ABHD2: variants seen among roughly 807,000 people sequenced by gnomAD.
ABHD2 encodes abhydrolase domain containing 2, acylglycerol lipase.
In ABHD2, 20 loss-of-function variants were observed where a neutral mutation model predicts 48.1. The ratio of observed to expected loss-of-function variants is 0.42; its 90% CI spans 0.29 to 0.60. The LOEUF (loss-of-function observed/expected upper bound fraction) is 0.60, where lower values mean the gene tolerates loss of function less well. Ranked by LOEUF, ABHD2 falls within the 20% of genes least tolerant of loss-of-function variation. The probability of loss-of-function intolerance (pLI) is 0.24; values close to 1 mark genes in which losing one functional copy is unlikely to be tolerated. For missense variants in ABHD2, 405 were observed against 550.9 expected (o/e 0.74, Z 2.65); for synonymous variants, 209 against 214.2 (o/e 0.98, Z 0.21).
intron 3 of ABHD2, among the ~76,000 whole-genome samples, chr15:89,118,968 C>T (rs2050005453): frequency 6.6e-6 from 1 of 152,152 alleles, no homozygotes; most frequent in Non-Finnish European, 1.5e-5. Context: ...ATCCCCAGCC[C>T]CATCTCCTTG....
At chr15:89,066,485 T>C in the ABHD2 span, among the ~76,000 whole-genome samples, 6 of 152,194 alleles carry the variant, frequency 3.9e-5, no homozygotes, top group Non-Finnish European at 2.9e-5. Flanking sequence ...CTTGATTACA[T>C]CTGCAAAAGA....
the ABHD2 span, among the ~76,000 whole-genome samples, chr15:89,071,149 GTGGC>G: frequency 2.3e-3 from 352 of 152,278 alleles, 2 homozygotes; most frequent in East Asian, 0.02. Context: ...GCCGGGCACG[GTGGC>G]TCACACCTGT....
intron 10 of ABHD2, among the ~76,000 whole-genome samples, chr15:89,194,737 TAAATC>T (rs2051367261): frequency 6.6e-6 from 1 of 152,210 alleles, no homozygotes; most frequent in African/African-American, 2.4e-5. Context: ...TCAGGCTTAT[TAAATC>T]AAAATCCGCA....
At chr15:89,060,736 A>G in the ABHD2 span, among the ~76,000 whole-genome samples, 4 of 151,910 alleles carry the variant, frequency 2.6e-5, 1 homozygote, top group Non-Finnish European at 5.9e-5. Flanking sequence ...CTTGAAACGT[A>G]TAAGAATAAA....
intron 1 of ABHD2, among the ~76,000 whole-genome samples, chr15:89,098,748 C>G (rs1470840811): frequency 6.6e-6 from 1 of 152,194 alleles, no homozygotes; most frequent in East Asian, 1.9e-4. Flanking sequence ...TAGTTCCTTT[C>G]CCTCCATCTA....
chr15:89,069,674 CTTTT>C, the ABHD2 span, among the ~76,000 whole-genome samples: 547 of 52,878 alleles, frequency 0.01, 3 homozygotes, highest in Middle Eastern at 0.024. Context: ...TTCATTTACT[CTTTT>C]TTTTTTTTTT....
In ABHD2 at chr15:89,151,990, C is replaced by A. The variant is rs957230514; in HGVS notation, c.370+138C>A. 8.8e-7 allele frequency: 1 copy of A among 1,135,316 alleles called. No homozygotes were observed. Among genetic ancestry groups the A allele is most frequent in the Non-Finnish European group, 1.2e-6 (1 of 810,762 alleles). 70.3% of individuals were successfully genotyped at this position (1,135,316 alleles called of 1,614,324 possible). On this transcript the variant is annotated intron_variant, in intron 4 of 10. Transcript: ENST00000352732. This position sits in a 1 kb window ranked among gnomAD's most constrained non-coding sequence, Gnocchi z 4.7. ...GGCTGTTGGGAAGCCTGCTGGGATT[C>A]GTCACTTAGGAGCAGCCTGCAAAGG...
chr15:89,176,276 T>G lies in ABHD2; in HGVS notation c.722+281T>G, dbSNP rs1376063381. On this transcript the variant is annotated intron_variant, in intron 6 of 10. Transcript: ENST00000352732. The surrounding 1 kb of genome is among the most constrained non-coding windows in gnomAD (Gnocchi z 4.5). ...GTTGCTGTCTCCTAGGGAATCTCTG[T>G]CAGGTGACTTAATTTGTTCAGGCTT... Among the ~76,000 whole-genome samples, 1 of 152,118 alleles carries G rather than the reference T, an allele frequency of 6.6e-6. No homozygotes were observed. The highest frequency in any genetic ancestry group is 1.5e-5 in the Non-Finnish European group (1 of 68,020).
chr15:89,111,335 T>G (rs934429148), intron 1 of ABHD2, among the ~76,000 whole-genome samples: 6 of 152,246 alleles, frequency 3.9e-5, no homozygotes, highest in Non-Finnish European at 8.8e-5. Flanking sequence ...TATATAATTT[T>G]CCTTCTATAT....
intron 3 of ABHD2, among the ~76,000 whole-genome samples, chr15:89,138,730 C>A (rs1222042712): frequency 1.3e-5 from 2 of 152,062 alleles, no homozygotes; most frequent in African/African-American, 4.8e-5. Context: ...GACAGTTGAT[C>A]AGACAGGAGA....
chr15:89,120,264 T>A lies in ABHD2; in HGVS notation c.194+3743T>A, dbSNP rs2050027677. Among the ~76,000 whole-genome samples, 1 of 152,196 alleles carries A rather than the reference T, an allele frequency of 6.6e-6. No individual in the cohort carries two copies. The highest frequency in any genetic ancestry group is 1.5e-5 in the Non-Finnish European group (1 of 68,032). Reference sequence around the variant, plus strand: ...TTCAGTGGGATGTTATGTCTCCTGTTCTCTTAGAAACAGATCAATATTTAC... The same window carrying A: ...TTCAGTGGGATGTTATGTCTCCTGTACTCTTAGAAACAGATCAATATTTAC... On this transcript the variant is annotated intron_variant, in intron 3 of 10. Coordinates refer to ENST00000352732, the MANE Select transcript of ABHD2 (RefSeq NM_152924.5). This position sits in a 1 kb window ranked among gnomAD's most constrained non-coding sequence, Gnocchi z 4.2.
chr15:89,105,981 T>C (rs2150794637), intron 1 of ABHD2, among the ~76,000 whole-genome samples: 2 of 152,196 alleles, frequency 1.3e-5, no homozygotes, highest in Middle Eastern at 6.8e-3. Context: ...GGATTATAGA[T>C]GTAAGCCACT....
the ABHD2 span, among the ~76,000 whole-genome samples, chr15:89,062,985 T>C: frequency 3.9e-3 from 590 of 150,760 alleles, 6 homozygotes; most frequent in African/African-American, 0.014. Context: ...TTTTTTTTTT[T>C]CAGACAGAGT....
At chr15:89,055,586 C>T in the ABHD2 span, among the ~76,000 whole-genome samples, 3 of 152,086 alleles carry the variant, frequency 2.0e-5, no homozygotes, top group Non-Finnish European at 4.4e-5. Flanking sequence ...CCGCTGGCCT[C>T]GGCCTCCCAA....
chr15:89,054,468 G>C, the ABHD2 span, among the ~76,000 whole-genome samples: 1 of 151,924 alleles, frequency 6.6e-6, no homozygotes, highest in Non-Finnish European at 1.5e-5. Flanking sequence ...ATCACTTGAG[G>C]TCAGGAGTTT....
intron 3 of ABHD2, among the ~76,000 whole-genome samples, chr15:89,118,016 A>T (rs546047699): frequency 1.3e-4 from 20 of 152,254 alleles, no homozygotes; most frequent in East Asian, 7.7e-4. Flanking sequence ...GCCCCTGCTG[A>T]GGGGACTTTT....
At chr15:89,083,805 G>A (rs1010152123), upstream of ABHD2, among the ~76,000 whole-genome samples, 1 of 152,138 alleles carries the variant, frequency 6.6e-6, no homozygotes, top group African/African-American at 2.4e-5. The surrounding 1 kb of genome is among the most constrained non-coding windows in gnomAD (Gnocchi z 5.1). Flanking sequence ...CCACATTTTT[G>A]AATTTCATCA....
Position 89,195,133 on chromosome 15 carries a change from G to A in ABHD2, c.1082-94G>A. 6.9e-7 allele frequency: 1 copy of A among 1,446,912 alleles called. No individual in the cohort carries two copies. Among genetic ancestry groups the A allele is most frequent in the Non-Finnish European group, 9.3e-7 (1 of 1,069,924 alleles). The allele number at this position is 1,446,912 out of a possible 1,614,324, so 89.6% of individuals were successfully genotyped here. On this transcript the variant is annotated intron_variant, in intron 10 of 10. Coordinates refer to ENST00000352732, the MANE Select transcript of ABHD2 (RefSeq NM_152924.5). This position sits in a 1 kb window ranked among gnomAD's most constrained non-coding sequence, Gnocchi z 5.1. ...ATGCCCACTTAGGTGACCCTGCGGG[G>A]ACAGCCAGGCTACCCTAGCCAGCTC... is the stretch of plus-strand genomic sequence containing the variant.
At chr15:89,054,288 C>T in the ABHD2 span, among the ~76,000 whole-genome samples, 1 of 149,930 alleles carries the variant, frequency 6.7e-6, no homozygotes, top group East Asian at 2.0e-4. Context: ...CACCGCTACA[C>T]TCCAGCCTGG....
Sources: allele counts gnomAD v4.1 joint callset (sites outside exome capture counted in the v4.1 genomes callset), GRCh38; gene constraint gnomAD v4.1.1; non-coding constraint Gnocchi (gnomAD v3.1); transcripts MANE v1.5; gene names NCBI Gene and HGNC (gene_info 2026-07-23, HGNC 2026-07-21).